The following MAPK10 variants were observed in gnomAD, a reference collection of about 807,000 sequenced individuals.
MAPK10 encodes JNK3 alpha protein kinase.
A neutral mutation model predicts 59.3 loss-of-function variants in MAPK10; 25 were observed. The observed-to-expected ratio is 0.42, with a 90% CI of 0.31 to 0.59. MAPK10 has a LOEUF of 0.59. MAPK10 is among the 20% of genes least tolerant of loss of function. The pLI, the probability that MAPK10 is intolerant of heterozygous loss-of-function variation, is 0.15. For synonymous variants in MAPK10, 190 were observed against 200.5 expected (o/e 0.95, Z 0.44); for missense variants, 351 against 568.9 (o/e 0.62, Z 3.90).
chr4:86,038,444 C>G (rs1324926661), intron 11 of MAPK10, among the ~76,000 whole-genome samples: 1 of 152,174 alleles, frequency 6.6e-6, no homozygotes, highest in East Asian at 1.9e-4. Context: ...ACGCTTTAAG[C>G]AAGAAGGGTA....
intron 2 of MAPK10, chr4:86,219,938 C>T (rs1174327900): frequency 6.6e-6 from 1 of 152,010 alleles, no homozygotes; most frequent in East Asian, 1.9e-4. Flanking sequence ...ATTTTCTTTT[C>T]TAGAAATGTG....
chr4:86,374,370 C>T (rs765334183), intron 1 of MAPK10, among the ~76,000 whole-genome samples: 2 of 151,952 alleles, frequency 1.3e-5, no homozygotes, highest in Non-Finnish European at 2.9e-5. Flanking sequence ...CAAACCTGCA[C>T]GTTCTGCACA....
At chr4:86,037,774 G>A (rs2040651739) in intron 11 of MAPK10, among the ~76,000 whole-genome samples, 1 of 152,152 alleles carries the variant, frequency 6.6e-6, no homozygotes, top group Non-Finnish European at 1.5e-5. Flanking sequence ...TAAGTGATTT[G>A]CCCACAATCA....
intron 1 of MAPK10, among the ~76,000 whole-genome samples, chr4:86,544,907 A>G (rs1759026101): frequency 2.0e-5 from 3 of 151,536 alleles, no homozygotes; most frequent in Admixed American, 2.0e-4. Context: ...CTATTTCAAC[A>G]GGAAACAAAA....
At position 86,014,422 on chromosome 4, in the gene MAPK10, G is replaced by C. The variant is rs1240928561; in HGVS notation, c.*2806C>G. The C allele has an allele frequency of 6.6e-6, 1 of 151,206 alleles. No individual in the cohort carries two copies. The highest frequency in any genetic ancestry group is 1.5e-5 in the Non-Finnish European group (1 of 67,880). The allele number at this position is 151,206 out of a possible 1,614,324, so 9.4% of individuals were successfully genotyped here. The stretch of plus-strand genomic sequence containing the variant: ...ATCATCACCTCCTAGACATATTATA[G>C]GAAAGCAGACCTAGTGGGCAAAGGA... On this transcript the variant is annotated 3_prime_UTR_variant, in exon 14 of 14. Transcript: ENST00000641462.
At chr4:86,177,802 A>T (rs1308833462) in intron 3 of MAPK10, among the ~76,000 whole-genome samples, 1 of 152,078 alleles carries the variant, frequency 6.6e-6, no homozygotes, top group Non-Finnish European at 1.5e-5. Flanking sequence ...TGTGCCAAAA[A>T]GTAATAGTAA....
intron 11 of MAPK10, among the ~76,000 whole-genome samples, chr4:86,037,564 T>C (rs1435124887): frequency 6.6e-6 from 1 of 152,066 alleles, no homozygotes; most frequent in Non-Finnish European, 1.5e-5. Context: ...ATTCATTTTA[T>C]CCCATATATA....
At chr4:86,526,348 T>C (rs1343251382) in intron 1 of MAPK10, among the ~76,000 whole-genome samples, 1 of 152,204 alleles carries the variant, frequency 6.6e-6, no homozygotes, top group Non-Finnish European at 1.5e-5. Flanking sequence ...ATTTTCTAGC[T>C]TGTGCGCCTA....
intron 3 of MAPK10, chr4:86,192,111 T>C (rs1450600250): frequency 6.6e-6 from 1 of 152,220 alleles, no homozygotes; most frequent in Admixed American, 6.5e-5. Flanking sequence ...CACTCTCTTC[T>C]GGCTTGTAGG....
chr4:86,404,749 A>T (rs1744148523), intron 1 of MAPK10, among the ~76,000 whole-genome samples: 1 of 152,158 alleles, frequency 6.6e-6, no homozygotes, highest in Non-Finnish European at 1.5e-5. Context: ...TTCCTGAGGG[A>T]ACAGCAACCA....
At chr4:86,388,339 G>C (rs932075792) in intron 1 of MAPK10, among the ~76,000 whole-genome samples, 1 of 151,998 alleles carries the variant, frequency 6.6e-6, no homozygotes, top group African/African-American at 2.4e-5. Flanking sequence ...TTGTGACTAA[G>C]GATATAAAAA....
chr4:86,538,722 TATAGTA>T (rs1432331686), intron 1 of MAPK10, among the ~76,000 whole-genome samples: 1 of 152,124 alleles, frequency 6.6e-6, no homozygotes, highest in Non-Finnish European at 1.5e-5. Context: ...CTTTTGTACA[TATAGTA>T]ATAAAAATGA....
At chr4:86,327,989 T>C (rs755123845) in intron 2 of MAPK10, among the ~76,000 whole-genome samples, 4 of 151,892 alleles carry the variant, frequency 2.6e-5, no homozygotes, top group Non-Finnish European at 5.9e-5. Context: ...AAACTATTTC[T>C]TATAAAATCT....
intron 4 of MAPK10, among the ~76,000 whole-genome samples, chr4:86,151,198 T>C (rs2066382457): frequency 6.6e-6 from 1 of 151,964 alleles, no homozygotes; most frequent in African/African-American, 2.4e-5. Context: ...GACAAAGAGT[T>C]AGGAGATTGA....
chr4:86,295,287 A>G (rs548075271), intron 2 of MAPK10, among the ~76,000 whole-genome samples: 4 of 151,820 alleles, frequency 2.6e-5, no homozygotes, highest in African/African-American at 4.8e-5. Flanking sequence ...TTGCTCCCTC[A>G]CCTCCTCAGG....
At chr4:86,406,056 C>G (rs773939212) in intron 1 of MAPK10, among the ~76,000 whole-genome samples, 2 of 152,138 alleles carry the variant, frequency 1.3e-5, no homozygotes, top group Non-Finnish European at 2.9e-5. Context: ...CGTAAGAGGA[C>G]TGAGAGGACC....
intron 1 of MAPK10, among the ~76,000 whole-genome samples, chr4:86,482,465 G>A (rs556015553): frequency 1.3e-5 from 2 of 152,074 alleles, no homozygotes; most frequent in East Asian, 1.9e-4. Context: ...TTCTAGTTAC[G>A]TGCCATGATT....
intron 4 of MAPK10, among the ~76,000 whole-genome samples, chr4:86,149,240 G>C (rs1308818097): frequency 3.3e-5 from 5 of 152,086 alleles, no homozygotes; most frequent in Admixed American, 3.3e-4. Context: ...CTTGGCCTCA[G>C]TGGCTTTGGA....
Position 86,548,693 on chromosome 4 carries a change from A to G in MAPK10, c.-263+45217T>C, listed in dbSNP as rs187313281. Among the ~76,000 whole-genome samples the G allele has an allele frequency of 3.3e-5, 5 of 152,238 alleles. No homozygotes were observed. The East Asian group carries it at 7.7e-4, about 24-fold the overall frequency. ...AGCCAATTAAACCTCTTTTCTTTAT[A>G]TACTTTGGCTCAGGTGTTTCTTCAT... On this transcript the variant is annotated intron_variant, in intron 1 of 4. Transcript: ENST00000502302.
Sources: gnomAD v4.1 joint callset for allele counts (sites outside exome capture counted in the v4.1 genomes callset) on GRCh38, gnomAD v4.1.1 for gene constraint, MANE v1.5 for transcripts, NCBI Gene and HGNC (gene_info 2026-07-23, HGNC 2026-07-21) for gene names.